The following CSF3 variants were observed in gnomAD, a reference collection of about 807,000 sequenced individuals.
The protein encoded by CSF3 is granulocyte colony-stimulating factor.
A neutral mutation model predicts 20.2 loss-of-function variants in CSF3; 17 were observed. The ratio of observed to expected loss-of-function variants is 0.84; its 90% CI spans 0.58 to 1.26. The LOEUF (loss-of-function observed/expected upper bound fraction) is 1.26. Among genes scored for constraint, CSF3 ranks in the 50% most tolerant of loss-of-function variants. The pLI is 0.00. For synonymous variants in CSF3, 125 were observed against 115.3 expected (o/e 1.08, Z -0.54); for missense variants, 210 against 256.0 (o/e 0.82, Z 1.23).
chr17:40,015,858 G>C lies in CSF3; in HGVS notation c.195+13G>C, dbSNP rs1356515193. 1.3e-6 allele frequency: 2 copies of C among 1,599,604 alleles called. No individual in the cohort carries two copies. The highest frequency in any genetic ancestry group is 1.3e-5 in the African/African-American group (1 of 74,670). On this transcript the variant is annotated intron_variant, in intron 2 of 4. Coordinates refer to ENST00000394149, the MANE Select transcript of CSF3 (RefSeq NM_172219.3). ...CCAGGAGAAGCTGGTGAGTGAGGTGGGTGAGAGGGCTGTGGAGGGAAGCCC... is the reference window on the plus strand; with the variant it reads ...CCAGGAGAAGCTGGTGAGTGAGGTGCGTGAGAGGGCTGTGGAGGGAAGCCC...
rs1449844931 is a variant in CSF3 at position 40,017,035 on chromosome 17, G to A, written c.*76G>A. 7 of 1,393,164 alleles carry A rather than the reference G, an allele frequency of 5.0e-6. No homozygotes were observed. In the South Asian group the frequency reaches 6.0e-5, roughly 12 times the overall value. The allele number at this position is 1,393,164 out of a possible 1,614,324, so 86.3% of individuals were successfully genotyped here. On this transcript the variant is annotated 3_prime_UTR_variant, in exon 5 of 5. Coordinates refer to ENST00000394149, the MANE Select transcript of CSF3 (RefSeq NM_172219.3). ...ATTTAAGCCTCATATTTAAAGACAG[G>A]GAAGAGCAGAACGGAGCCCCAGGCC... is the stretch of plus-strand genomic sequence containing the variant.
At chr17:40,016,689 A>G (rs2227338) in intron 4 of CSF3, 58 bp downstream of exon 4, 1,471,225 of 1,612,422 alleles carry the variant, frequency 0.91, 672,698 homozygotes, top group Non-Finnish European at 0.93. Flanking sequence ...CACCACAGCC[A>G]GGCCTGTGTA....
intron 2 of CSF3, 30 bp from the exon 3 acceptor site, chr17:40,016,203 G>A (rs200650432): frequency 6.5e-5 from 97 of 1,487,638 alleles, no homozygotes; most frequent in Middle Eastern, 4.8e-4. Flanking sequence ...CGGCCATGGC[G>A]AGTCTCACTC....
intron 1 of CSF3, 32 bp from the exon 2 acceptor site, chr17:40,015,659 C>A (rs765121769): frequency 1.3e-6 from 2 of 1,562,918 alleles, no homozygotes; most frequent in South Asian, 1.2e-5. Context: ...TGGTAGGGAA[C>A]AGCATGTCTC....
At chr17:40,015,587 T>C in intron 1 of CSF3, 73 bp downstream of exon 1, 1 of 1,548,044 alleles carries the variant, frequency 6.5e-7, no homozygotes, top group Non-Finnish European at 8.7e-7. Context: ...ACAGAGGGGC[T>C]GGGGATCCCC....
intron 2 of CSF3, 42 bp from the exon 3 acceptor site, chr17:40,016,191 C>A: frequency 6.9e-7 from 1 of 1,449,002 alleles, no homozygotes; most frequent in South Asian, 1.3e-5. Context: ...GGAGCGGCGA[C>A]CCGGCCATGG....
intron 1 of CSF3, 65 bp from the exon 2 acceptor site, chr17:40,015,626 A>G: frequency 2.6e-6 from 4 of 1,544,574 alleles, no homozygotes; most frequent in Non-Finnish European, 3.5e-6. Context: ...AAAGGCACCC[A>G]GTGTCCCCGA....
In CSF3 at chr17:40,016,511, C is replaced by T. The variant is rs1354556741; in HGVS notation, c.330C>T (p.Ser110=). 13 of 1,614,070 alleles carry T rather than the reference C, an allele frequency of 8.1e-6. No homozygotes were observed. The highest frequency in any genetic ancestry group is 2.2e-5 in the East Asian group (1 of 44,892). The change falls in exon 4 of 5, where the codon AGC becomes AGT. Residue 110 remains serine, a synonymous_variant. Transcript: ENST00000394149. ...CAGGCTGCTTGAGCCAACTCCATAG[C>T]GGCCTTTTCCTCTACCAGGGGCTCC... ...QLAGCLSQLH[S]GLFLYQGLLQ...
At position 40,015,697 on chromosome 17, in the gene CSF3, A is replaced by G; in HGVS notation, c.47A>G (p.Gln16Arg). The change falls in exon 2 of 5, where the codon CAG becomes CGG. Residue 16 changes from glutamine (Q) to arginine (R), a missense_variant. By Grantham distance (43) the Gln-to-Arg change is conservative (BLOSUM62 1). Coordinates refer to ENST00000394149, the MANE Select transcript of CSF3 (RefSeq NM_172219.3). ...TQSPMKLMAL[Q>R]LLLWHSALWT... ...GAGCCCGCTCTGTCCCCAGCCCTGC[A>G]GCTGCTGCTGTGGCACAGTGCACTC... The G allele has an allele frequency of 1.9e-6, 3 of 1,583,174 alleles. No individual in the cohort carries two copies. Among genetic ancestry groups the G allele is most frequent in the Non-Finnish European group, 2.6e-6 (3 of 1,161,824 alleles).
intron 1 of CSF3, 48 bp from the exon 2 acceptor site, chr17:40,015,643 C>T (rs1464815795): frequency 1.9e-6 from 3 of 1,552,538 alleles, no homozygotes; most frequent in South Asian, 1.2e-5. Context: ...CCGAGAGGGC[C>T]TCAGGTGGTA....
chr17:40,015,453 C>A lies in CSF3; in HGVS notation c.-22C>A. The A allele has an allele frequency of 6.5e-7, 1 of 1,549,334 alleles. No homozygotes were observed. Among genetic ancestry groups the A allele is most frequent in the Non-Finnish European group, 8.7e-7 (1 of 1,146,014 alleles). ...GGGCCCCAAAACAGCCCGGAGCCTG[C>A]AGCCCAGCCCCACCCAGACCCATGG... On this transcript the variant is annotated 5_prime_UTR_variant, in exon 1 of 5. Coordinates refer to ENST00000394149, the MANE Select transcript of CSF3 (RefSeq NM_172219.3).
rs1476692357 is a variant in CSF3 at position 40,016,241 on chromosome 17, C to T, written c.204C>T (p.Thr68=). ...GAALQEKLCA[T]YKLCHPEELV... ...CATCCTTCCATCCCCAGTGTGCCAC[C>T]TACAAGCTGTGCCACCCCGAGGAGC... The change falls in exon 3 of 5, where the codon ACC becomes ACT. Residue 68 remains threonine, a synonymous_variant. Coordinates refer to ENST00000394149, the MANE Select transcript of CSF3 (RefSeq NM_172219.3). The T allele has an allele frequency of 6.4e-7, 1 of 1,554,256 alleles. No individual in the cohort carries two copies.
chr17:40,016,604 C>T lies in CSF3; in HGVS notation c.423C>T (p.Ala141=), dbSNP rs768714791. 12 of 1,614,042 alleles carry T rather than the reference C, an allele frequency of 7.4e-6. No homozygotes were observed. Among genetic ancestry groups the T allele is most frequent in the African/African-American group, 2.7e-5 (2 of 74,922 alleles). Residue 141 remains alanine (A), a synonymous_variant, in exon 4 of 5, where the codon GCC becomes GCT. Coordinates refer to ENST00000394149, the MANE Select transcript of CSF3 (RefSeq NM_172219.3). ...TGGACACACTGCAGCTGGACGTCGC[C>T]GACTTTGCCACCACCATCTGGCAGC... The part of the protein sequence containing the change: ...PTLDTLQLDV[A]DFATTIWQQM...
chr17:40,016,048 G>A, intron 2 of CSF3, 185 bp from the exon 3 acceptor site: 1 of 898,546 alleles, frequency 1.1e-6, no homozygotes. Flanking sequence ...GGGAGTGGAG[G>A]CATTACATTC....
At position 40,016,935 on chromosome 17, in the gene CSF3, T is replaced by C; in HGVS notation, c.591T>C (p.Val197=). The change falls in exon 5 of 5, where the codon GTT becomes GTC. Residue 197 remains valine (V), a synonymous_variant. Transcript: ENST00000394149. ...LQSFLEVSYR[V]LRHLAQP is the part of the protein sequence containing the mutation. ...GCTTCCTGGAGGTGTCGTACCGCGTTCTACGCCACCTTGCCCAGCCCTGAG... is the reference window on the plus strand; with the variant it reads ...GCTTCCTGGAGGTGTCGTACCGCGTCCTACGCCACCTTGCCCAGCCCTGAG... 6.2e-7 allele frequency: 1 copy of C among 1,604,658 alleles called. No individual in the cohort carries two copies. The highest frequency in any genetic ancestry group is 8.5e-7 in the Non-Finnish European group (1 of 1,174,626).
At chr17:40,016,378 G>A (rs1397630257) in intron 3 of CSF3, 38 bp downstream of exon 3, 2 of 1,607,430 alleles carry the variant, frequency 1.2e-6, no homozygotes, top group Non-Finnish European at 1.7e-6. Flanking sequence ...TGAGGAGGGG[G>A]AAGGAGAGGA....
chr17:40,016,511 C>A lies in CSF3; in HGVS notation c.330C>A (p.Ser110Arg). Residue 110 changes from serine (S) to arginine (R), a missense_variant, in exon 4 of 5, where the codon AGC becomes AGA. Ser to Arg is a moderately radical substitution (Grantham distance 110). Coordinates refer to ENST00000394149, the MANE Select transcript of CSF3 (RefSeq NM_172219.3). Reference sequence around the variant, plus strand: ...CAGGCTGCTTGAGCCAACTCCATAGCGGCCTTTTCCTCTACCAGGGGCTCC... The same window carrying A: ...CAGGCTGCTTGAGCCAACTCCATAGAGGCCTTTTCCTCTACCAGGGGCTCC... ...QLAGCLSQLH[S>R]GLFLYQGLLQ... The A allele has an allele frequency of 6.2e-7, 1 of 1,614,188 alleles. No homozygotes were observed. The highest frequency in any genetic ancestry group is 8.5e-7 in the Non-Finnish European group (1 of 1,180,014).
At position 40,015,685 on chromosome 17, in the gene CSF3, C is replaced by T. The variant is rs756386964; in HGVS notation, c.41-6C>T. On this transcript the variant is annotated splice_polypyrimidine_tract_variant and splice_region_variant and intron_variant, in intron 1 of 4. Transcript: ENST00000394149. The stretch of plus-strand genomic sequence containing the variant: ...AGCATGTCTCCTGAGCCCGCTCTGT[C>T]CCCAGCCCTGCAGCTGCTGCTGTGG... 6.3e-7 allele frequency: 1 copy of T among 1,577,038 alleles called. No individual in the cohort carries two copies. Among genetic ancestry groups the T allele is most frequent in the Non-Finnish European group, 8.6e-7 (1 of 1,158,650 alleles).
chr17:40,016,854 C>G lies in CSF3; in HGVS notation c.510C>G (p.Phe170Leu). 1 of 1,613,510 alleles carries G rather than the reference C, an allele frequency of 6.2e-7. No homozygotes were observed. Among genetic ancestry groups the G allele is most frequent in the Non-Finnish European group, 8.5e-7 (1 of 1,180,016 alleles). ...CCACCCAGGGTGCCATGCCGGCCTTCGCCTCTGCTTTCCAGCGCCGGGCAG... is the reference window on the plus strand; with the variant it reads ...CCACCCAGGGTGCCATGCCGGCCTTGGCCTCTGCTTTCCAGCGCCGGGCAG... ...LQPTQGAMPA[F>L]ASAFQRRAGG... The change falls in exon 5 of 5, where the codon TTC (phenylalanine) becomes TTG (leucine). Residue 170 changes from phenylalanine (F) to leucine (L), a missense_variant. Phe to Leu is a conservative substitution (Grantham distance 22, BLOSUM62 0). Coordinates refer to ENST00000394149, the MANE Select transcript of CSF3 (RefSeq NM_172219.3).
Sources: allele counts gnomAD v4.1 joint callset, GRCh38; gene constraint gnomAD v4.1.1; transcripts MANE v1.5; gene names NCBI Gene and HGNC (gene_info 2026-07-23, HGNC 2026-07-21).